IGSF11: variants seen among roughly 807,000 people sequenced by gnomAD.
IGSF11 encodes CXADR like 1.
Under a neutral mutation model 41.0 loss-of-function variants are expected in IGSF11, and 22 were observed. That is an observed-to-expected ratio of 0.54 (90% CI 0.38 to 0.77). The LOEUF (loss-of-function observed/expected upper bound fraction) is 0.77, where lower values mean the gene tolerates loss of function less well. IGSF11 is among the 30% of genes least tolerant of loss of function. The probability of loss-of-function intolerance (pLI) is 0.00; values close to 1 mark genes in which losing one functional copy is unlikely to be tolerated. For synonymous variants in IGSF11, 219 were observed against 201.3 expected, an observed-to-expected ratio of 1.09 and a Z score of -0.74; for missense variants, 444 against 530.8, an observed-to-expected ratio of 0.84 and a Z score of 1.61.
intron 1 of IGSF11, among the ~76,000 whole-genome samples, chr3:118,958,268 AAAG>A (rs201731728): frequency 6.6e-6 from 1 of 152,090 alleles, no homozygotes; most frequent in Non-Finnish European, 1.5e-5. Context: ...TCCTTCCATA[AAAG>A]AAGAAAGAAA....
chr3:119,078,836 C>T (rs879586843), intron 1 of IGSF11, among the ~76,000 whole-genome samples: 5 of 152,050 alleles, frequency 3.3e-5, no homozygotes, highest in Admixed American at 3.3e-4. Context: ...GGTCTAATAT[C>T]CAGAATCTAT....
At chr3:119,107,826 A>C (rs1191924757), upstream of IGSF11, among the ~76,000 whole-genome samples, 1 of 150,370 alleles carries the variant, frequency 6.7e-6, no homozygotes, top group Non-Finnish European at 1.5e-5. Context: ...TTTTCCCAGC[A>C]CCATTTATTA....
At chr3:119,121,616 A>G (rs529052544) in intron 1 of IGSF11, among the ~76,000 whole-genome samples, 5 of 152,186 alleles carry the variant, frequency 3.3e-5, no homozygotes, top group African/African-American at 1.2e-4. Flanking sequence ...CAGAGGCCCA[A>G]GAAAAAGAGG....
chr3:119,085,496 CCAAA>C (rs2076656776), intron 1 of IGSF11, among the ~76,000 whole-genome samples: 1 of 152,130 alleles, frequency 6.6e-6, no homozygotes, highest in Non-Finnish European at 1.5e-5. Flanking sequence ...CCCCTTACCT[CCAAA>C]TGAGCCCACT....
chr3:119,004,737 G>C (rs1248548495), intron 1 of IGSF11, among the ~76,000 whole-genome samples: 106 of 148,408 alleles, frequency 7.1e-4, no homozygotes, highest in African/African-American at 2.7e-3. Context: ...AGTCATTCAG[G>C]AGCAGGTTGT....
intron 1 of IGSF11, among the ~76,000 whole-genome samples, chr3:119,030,316 T>C (rs1324567682): frequency 2.0e-5 from 3 of 152,212 alleles, no homozygotes; most frequent in Non-Finnish European, 4.4e-5. Flanking sequence ...TTCTGTAATA[T>C]ATGAGTGAGG....
intron 1 of IGSF11, among the ~76,000 whole-genome samples, chr3:119,041,999 C>T (rs1269068190): frequency 6.6e-6 from 1 of 152,188 alleles, no homozygotes; most frequent in East Asian, 1.9e-4. Flanking sequence ...GAAAATAGGC[C>T]AATTTTTCTT....
At chr3:119,124,540 C>G (rs951424519) in intron 1 of IGSF11, among the ~76,000 whole-genome samples, 1 of 150,870 alleles carries the variant, frequency 6.6e-6, no homozygotes, top group African/African-American at 2.4e-5. Context: ...TCATCAGAGT[C>G]TTTTAATGGC....
intron 1 of IGSF11, among the ~76,000 whole-genome samples, chr3:118,941,419 T>C (rs1353936583): frequency 6.6e-6 from 1 of 152,050 alleles, no homozygotes; most frequent in Non-Finnish European, 1.5e-5. Context: ...AAAACCACAT[T>C]GAGATAATAC....
intron 1 of IGSF11, among the ~76,000 whole-genome samples, chr3:118,973,311 G>A (rs931269059): frequency 6.6e-6 from 1 of 152,216 alleles, no homozygotes; most frequent in African/African-American, 2.4e-5. Flanking sequence ...ATAAGGCACT[G>A]GGCATGCACC....
intron 1 of IGSF11, among the ~76,000 whole-genome samples, chr3:119,043,384 G>A (rs764665439): frequency 1.4e-4 from 22 of 152,110 alleles, no homozygotes; most frequent in Non-Finnish European, 3.1e-4. Flanking sequence ...GAGCTAAGTT[G>A]CAAGCCCCAT....
intron 1 of IGSF11, among the ~76,000 whole-genome samples, chr3:119,026,313 C>T (rs1357437313): frequency 6.6e-6 from 1 of 152,130 alleles, no homozygotes; most frequent in African/African-American, 2.4e-5. Context: ...CTAGTTGTCT[C>T]TACAGCAATT....
chr3:118,969,120 G>GA (rs199686925), intron 1 of IGSF11, among the ~76,000 whole-genome samples: 9 of 150,832 alleles, frequency 6.0e-5, no homozygotes, highest in African/African-American at 9.8e-5. Flanking sequence ...TCGAGTTGGA[G>GA]AAAAAAAACA....
chr3:119,096,577 C>T (rs1278638069), intron 1 of IGSF11, among the ~76,000 whole-genome samples: 1 of 152,112 alleles, frequency 6.6e-6, no homozygotes, highest in East Asian at 1.9e-4. Context: ...TTACTAATGC[C>T]TTCATCATAT....
chr3:118,923,029 T>C (rs1941974180), intron 4 of IGSF11, among the ~76,000 whole-genome samples: 1 of 152,126 alleles, frequency 6.6e-6, no homozygotes, highest in Non-Finnish European at 1.5e-5. Context: ...TTTAATGCAG[T>C]GATACTCAGG....
rs921150991 is a variant in IGSF11, at chr3:119,034,644, C to G, written c.-62G>C. 6.7e-7 allele frequency: 1 copy of G among 1,501,204 alleles called. No homozygotes were observed. The highest frequency in any genetic ancestry group is 2.2e-5 in the Admixed American group (1 of 45,952). The allele number at this position is 1,501,204 out of a possible 1,614,324, so 93.0% of individuals were successfully genotyped here. ...GCTCCCGGTCGCAACAGGAGAGGAG[C>G]GGGCGTGAGTCTCCGCGCTCTTGGG... is the stretch of plus-strand genomic sequence containing the variant. On this transcript the variant is annotated 5_prime_UTR_variant, in exon 1 of 7. Transcript: ENST00000393775.
At chr3:119,087,196 A>T (rs1333975681) in intron 1 of IGSF11, among the ~76,000 whole-genome samples, 1 of 152,316 alleles carries the variant, frequency 6.6e-6, no homozygotes, top group Non-Finnish European at 1.5e-5. Context: ...CTAAAAGTAG[A>T]TCTACCATTT....
intron 1 of IGSF11, among the ~76,000 whole-genome samples, chr3:118,940,294 C>CA (rs1300061830): frequency 6.6e-6 from 1 of 152,042 alleles, no homozygotes; most frequent in Non-Finnish European, 1.5e-5. Context: ...TACAAGTCTA[C>CA]AAAAAACCAA....
At chr3:119,111,513 C>A (rs1177646613) in intron 1 of IGSF11, among the ~76,000 whole-genome samples, 1 of 152,100 alleles carries the variant, frequency 6.6e-6, no homozygotes, top group Non-Finnish European at 1.5e-5. Flanking sequence ...TCAAAGTTTT[C>A]AACTTCTTTG....
Sources: allele counts gnomAD v4.1 joint callset (sites outside exome capture counted in the v4.1 genomes callset), GRCh38; gene constraint gnomAD v4.1.1; transcripts MANE v1.5; gene names NCBI Gene and HGNC (gene_info 2026-07-23, HGNC 2026-07-21).